The following DNAJC1 variants were observed in gnomAD, a reference collection of about 807,000 sequenced individuals.
DNAJC1 encodes the protein DnaJ heat shock protein family (Hsp40) member C1, also known as dnaJ homolog subfamily C member 1.
A neutral mutation model predicts 76.6 loss-of-function variants in DNAJC1; 58 were observed. That is an observed-to-expected ratio of 0.76 (90% CI 0.61 to 0.94). DNAJC1 has a LOEUF of 0.94. Ranked by LOEUF, DNAJC1 falls within the 40% of genes least tolerant of loss-of-function variation. The pLI is 0.00. For missense variants in DNAJC1, 689 were observed against 677.3 expected (o/e 1.02, Z -0.19); for synonymous variants, 258 against 267.9 (o/e 0.96, Z 0.36).
chr10:21,833,995 T>A (rs966978562), intron 8 of DNAJC1, among the ~76,000 whole-genome samples: 5 of 152,198 alleles, frequency 3.3e-5, no homozygotes, highest in Admixed American at 3.3e-4. Flanking sequence ...CCAGGTGCGG[T>A]GGCTCACACC....
chr10:21,814,389 T>C (rs1169513826), intron 8 of DNAJC1, among the ~76,000 whole-genome samples: 2 of 152,182 alleles, frequency 1.3e-5, no homozygotes, highest in Non-Finnish European at 2.9e-5. Context: ...GTACTAAGAT[T>C]CATTTTGTGT....
chr10:21,858,224 AAC>A (rs1293006009), intron 8 of DNAJC1, among the ~76,000 whole-genome samples: 15 of 152,300 alleles, frequency 9.8e-5, no homozygotes, highest in Admixed American at 2.6e-4. Flanking sequence ...AAAGAAACAG[AAC>A]AGGCATTTTA....
intron 8 of DNAJC1, among the ~76,000 whole-genome samples, chr10:21,878,076 T>A (rs1047164523): frequency 6.6e-6 from 1 of 152,194 alleles, no homozygotes; most frequent in East Asian, 1.9e-4. Context: ...ACTATACTTA[T>A]AAAGCAATTC....
chr10:21,863,323 A>C (rs889805624), intron 8 of DNAJC1, among the ~76,000 whole-genome samples: 3 of 152,152 alleles, frequency 2.0e-5, no homozygotes, highest in African/African-American at 7.2e-5. Context: ...AGGAGACATC[A>C]ATATAAATTC....
chr10:21,937,795 A>G (rs1837333221), intron 1 of DNAJC1, among the ~76,000 whole-genome samples: 1 of 152,216 alleles, frequency 6.6e-6, no homozygotes, highest in African/African-American at 2.4e-5. Flanking sequence ...ATGAAATCAG[A>G]AATCAATGAC....
intron 1 of DNAJC1, among the ~76,000 whole-genome samples, chr10:21,958,403 T>C (rs1440825548): frequency 1.3e-5 from 2 of 152,042 alleles, no homozygotes; most frequent in African/African-American, 4.8e-5. Context: ...CCCAAAAAGA[T>C]TCCTTGTACC....
At chr10:21,805,257 A>T (rs2131641471) in intron 9 of DNAJC1, among the ~76,000 whole-genome samples, 1 of 152,192 alleles carries the variant, frequency 6.6e-6, no homozygotes, top group South Asian at 2.1e-4. Flanking sequence ...AATTTGATAA[A>T]AATAATATTT....
At chr10:21,756,789 C>T in intron 11 of DNAJC1, 34 bp from the exon 12 acceptor site, 1 of 1,601,822 alleles carries the variant, frequency 6.2e-7, no homozygotes, top group Non-Finnish European at 8.5e-7. Context: ...TGAGAACAGT[C>T]ACTTGCACAA....
chr10:21,864,076 G>A (rs776824759), intron 8 of DNAJC1, among the ~76,000 whole-genome samples: 17 of 152,130 alleles, frequency 1.1e-4, no homozygotes, highest in Middle Eastern at 3.4e-3. Context: ...GCATGGTGCC[G>A]TGTGCCTGTA....
intron 6 of DNAJC1, among the ~76,000 whole-genome samples, chr10:21,914,009 A>AAC (rs1290822986): frequency 1.3e-5 from 2 of 151,940 alleles, no homozygotes; most frequent in South Asian, 2.1e-4. Flanking sequence ...CATCTCTCTA[A>AAC]ACACACACAC....
At chr10:21,853,437 G>T (rs569568162) in intron 8 of DNAJC1, among the ~76,000 whole-genome samples, 1 of 152,112 alleles carries the variant, frequency 6.6e-6, no homozygotes, top group African/African-American at 2.4e-5. Flanking sequence ...AACTGACCAC[G>T]TTTATGGAAG....
intron 1 of DNAJC1, among the ~76,000 whole-genome samples, chr10:21,967,464 A>C (rs909201522): frequency 1.3e-5 from 2 of 152,130 alleles, no homozygotes; most frequent in African/African-American, 2.4e-5. Flanking sequence ...TTCCTGTCCC[A>C]GACCTGGAAC....
intron 8 of DNAJC1, among the ~76,000 whole-genome samples, chr10:21,835,310 A>C (rs1835431920): frequency 6.6e-6 from 1 of 152,174 alleles, no homozygotes; most frequent in Non-Finnish European, 1.5e-5. Context: ...GGACATCCAC[A>C]CCAAAAACCC....
At chr10:21,854,926 G>C (rs1590016994) in intron 8 of DNAJC1, among the ~76,000 whole-genome samples, 1 of 152,106 alleles carries the variant, frequency 6.6e-6, no homozygotes, top group Non-Finnish European at 1.5e-5. Flanking sequence ...AAGTTTCTCA[G>C]CCATCTGTGA....
rs116676188 is a variant in DNAJC1 at position 21,910,707 on chromosome 10, T to C, written c.730-6095A>G. Among the ~76,000 whole-genome samples, 827 of 151,890 alleles carry C rather than the reference T, an allele frequency of 5.4e-3. 5 individuals carry two copies. The highest frequency in any genetic ancestry group is 0.024 in the Middle Eastern group (7 of 294). On this transcript the variant is annotated intron_variant, in intron 6 of 11. Transcript: ENST00000376980. ...TTCAGGATAAATAGCTAATAATGCATATGGGGCTTAATACCTAGGTGATGG... is the reference window on the plus strand; with the variant it reads ...TTCAGGATAAATAGCTAATAATGCACATGGGGCTTAATACCTAGGTGATGG...
chr10:21,798,467 C>T (rs1270962977), intron 9 of DNAJC1, among the ~76,000 whole-genome samples: 1 of 151,242 alleles, frequency 6.6e-6, no homozygotes, highest in African/African-American at 2.5e-5. Flanking sequence ...TCTCCTTCTC[C>T]TACTCATGCC....
At chr10:21,959,621 A>C (rs1392044616) in intron 1 of DNAJC1, among the ~76,000 whole-genome samples, 1 of 151,620 alleles carries the variant, frequency 6.6e-6, no homozygotes, top group Non-Finnish European at 1.5e-5. Flanking sequence ...CTCTGTCTCT[A>C]CTGAAAATAC....
At chr10:21,848,914 A>C (rs1388334572) in intron 8 of DNAJC1, among the ~76,000 whole-genome samples, 1 of 152,204 alleles carries the variant, frequency 6.6e-6, no homozygotes, top group Non-Finnish European at 1.5e-5. Context: ...ATTTGAAAAC[A>C]CTCAGAAACA....
intron 3 of DNAJC1, among the ~76,000 whole-genome samples, chr10:21,922,041 GT>G (rs1393023990): frequency 1.3e-5 from 2 of 151,968 alleles, no homozygotes; most frequent in Non-Finnish European, 2.9e-5. Flanking sequence ...AATATTCTGA[GT>G]TAGTCGCAGG....
Sources: allele counts gnomAD v4.1 joint callset (sites outside exome capture counted in the v4.1 genomes callset), GRCh38; gene constraint gnomAD v4.1.1; transcripts MANE v1.5; gene names NCBI Gene and HGNC (gene_info 2026-07-23, HGNC 2026-07-21).